SRPK2: variants seen among roughly 807,000 people sequenced by gnomAD.
SRPK2 encodes SFRS protein kinase 2.
A neutral mutation model predicts 90.8 loss-of-function variants in SRPK2; 21 were observed. The observed-to-expected ratio is 0.23, with a 90% CI of 0.16 to 0.33. The LOEUF (loss-of-function observed/expected upper bound fraction) is 0.33, where lower values mean the gene tolerates loss of function less well. Ranked by LOEUF, SRPK2 falls within the 10% of genes least tolerant of loss-of-function variation. The pLI is 1.00. For missense variants in SRPK2, 620 were observed against 869.0 expected, an observed-to-expected ratio of 0.71 and a Z score of 3.60; for synonymous variants, 288 against 311.1, an observed-to-expected ratio of 0.93 and a Z score of 0.78.
chr7:105,192,925 GT>G (rs1794483756), intron 3 of SRPK2, among the ~76,000 whole-genome samples: 1 of 151,944 alleles, frequency 6.6e-6, no homozygotes, highest in African/African-American at 2.4e-5. Context: ...GTTCATTGTA[GT>G]TTCTGGATAT....
chr7:105,128,044 C>G (rs1165329715), intron 13 of SRPK2, among the ~76,000 whole-genome samples: 4 of 152,142 alleles, frequency 2.6e-5, no homozygotes, highest in Non-Finnish European at 4.4e-5. Context: ...AATGACCACA[C>G]AGTGCTGGAA....
upstream of SRPK2, among the ~76,000 whole-genome samples, chr7:105,392,605 C>T (rs1176668336): frequency 6.6e-6 from 1 of 151,982 alleles, no homozygotes; most frequent in Admixed American, 6.6e-5. Flanking sequence ...CCTCCACTTC[C>T]CAGGTTCAAG....
chr7:105,328,949 C>T (rs1039425968), intron 2 of SRPK2, among the ~76,000 whole-genome samples: 2 of 151,808 alleles, frequency 1.3e-5, no homozygotes, highest in African/African-American at 4.8e-5. Context: ...AGGAGGCTGA[C>T]GTGGGAGGAT....
intron 6 of SRPK2, among the ~76,000 whole-genome samples, chr7:105,162,388 T>G (rs1246694351): frequency 6.6e-6 from 1 of 152,158 alleles, no homozygotes; most frequent in African/African-American, 2.4e-5. Flanking sequence ...TTCACAACTA[T>G]GATACCTCCA....
chr7:105,133,205 T>C (rs750909731), intron 11 of SRPK2, 101 bp from the exon 12 acceptor site: 23 of 1,053,028 alleles, frequency 2.2e-5, no homozygotes, highest in Admixed American at 5.6e-5. Flanking sequence ...TCAAGAGTAG[T>C]GGAATGATCA....
At position 105,280,972 on chromosome 7, in the gene SRPK2, A is replaced by C. The variant is rs1251636467; in HGVS notation, c.72-77187T>G. On this transcript the variant is annotated intron_variant, in intron 2 of 15. Transcript: ENST00000393651. ...CAAAAAAAAAAAAAAAAAAAAAAAA[A>C]AAAAAAAAAAAAACCTTGTTTATAA... 2.3e-3 allele frequency among the ~76,000 whole-genome samples: 325 copies of C among 140,456 alleles called. 16 individuals are homozygous for C. The East Asian group carries it at 0.049, about 21-fold the overall frequency. The allele number at this position is 140,456 out of a possible 152,430, so 92.1% of individuals were successfully genotyped here. A position where few individuals can be genotyped will look rare whatever the true frequency, so the allele number is the denominator to read the frequency against.
intron 3 of SRPK2, among the ~76,000 whole-genome samples, chr7:105,172,106 C>T (rs975405470): frequency 1.3e-5 from 2 of 152,106 alleles, no homozygotes; most frequent in African/African-American, 2.4e-5. Context: ...GTTGGTCAGG[C>T]TGGTCTCTAA....
intron 2 of SRPK2, among the ~76,000 whole-genome samples, chr7:105,338,644 G>C (rs1386930733): frequency 6.6e-6 from 1 of 152,034 alleles, no homozygotes; most frequent in Non-Finnish European, 1.5e-5. Context: ...GTAATTAAGT[G>C]GCCTGTTCAA....
chr7:105,319,370 A>G (rs1812649244), intron 2 of SRPK2, among the ~76,000 whole-genome samples: 1 of 152,040 alleles, frequency 6.6e-6, no homozygotes, highest in South Asian at 2.1e-4. Context: ...TTTTTTTAAC[A>G]TTATCAAGGC....
chr7:105,229,080 C>A (rs1453228893), intron 2 of SRPK2, among the ~76,000 whole-genome samples: 1 of 152,114 alleles, frequency 6.6e-6, no homozygotes, highest in East Asian at 1.9e-4. Context: ...AGAGCCAGCA[C>A]CGAGTTCAGG....
chr7:105,264,815 G>C (rs1397944101), intron 2 of SRPK2, among the ~76,000 whole-genome samples: 2 of 152,106 alleles, frequency 1.3e-5, no homozygotes, highest in Admixed American at 6.6e-5. Context: ...CAGCAGATGT[G>C]GGCAATGCTA....
At chr7:105,229,372 A>G (rs909369510) in intron 2 of SRPK2, among the ~76,000 whole-genome samples, 1 of 152,010 alleles carries the variant, frequency 6.6e-6, no homozygotes, top group African/African-American at 2.4e-5. Flanking sequence ...GCTGAGGCAG[A>G]AGAATGGCGT....
chr7:105,181,027 CA>C (rs1224702545), intron 3 of SRPK2, among the ~76,000 whole-genome samples: 3 of 151,988 alleles, frequency 2.0e-5, no homozygotes, highest in Admixed American at 1.3e-4. Context: ...CATATACAAG[CA>C]AAAAACCACC....
intron 2 of SRPK2, among the ~76,000 whole-genome samples, chr7:105,349,117 C>T (rs953962942): frequency 1.5e-5 from 2 of 135,726 alleles, no homozygotes; most frequent in African/African-American, 5.6e-5. Context: ...TGCACTCCAG[C>T]CTGGGCAACA....
chr7:105,170,977 GAGAAAGAA>G (rs750707874), intron 3 of SRPK2, among the ~76,000 whole-genome samples: 4 of 42,196 alleles, frequency 9.5e-5, no homozygotes, highest in Admixed American at 4.8e-4. Context: ...GAGAAAGAAA[GAGAAAGAA>G]AGAAAGAAAG....
chr7:105,291,064 A>AAAG (rs1808946599), intron 2 of SRPK2, among the ~76,000 whole-genome samples: 1 of 151,034 alleles, frequency 6.6e-6, no homozygotes, highest in South Asian at 2.1e-4. Flanking sequence ...AAAAAAAAAA[A>AAAG]AGAAATGAAG....
At chr7:105,388,291 G>T (rs1301980308) in intron 2 of SRPK2, among the ~76,000 whole-genome samples, 1 of 151,500 alleles carries the variant, frequency 6.6e-6, no homozygotes, top group Admixed American at 6.6e-5. Flanking sequence ...AGACGCCGGG[G>T]CCCCTTCCGG....
chr7:105,379,779 C>A (rs574705737), intron 2 of SRPK2, among the ~76,000 whole-genome samples: 1 of 152,098 alleles, frequency 6.6e-6, no homozygotes, highest in Non-Finnish European at 1.5e-5. Context: ...GAGATCGAGA[C>A]CAGCCCGGCC....
At chr7:105,370,646 C>T (rs1819593821) in intron 2 of SRPK2, among the ~76,000 whole-genome samples, 1 of 131,974 alleles carries the variant, frequency 7.6e-6, no homozygotes, top group Non-Finnish European at 1.6e-5. Context: ...GACAGACTCT[C>T]GCTCTGCACC....
Sources: allele counts gnomAD v4.1 joint callset (sites outside exome capture counted in the v4.1 genomes callset), GRCh38; gene constraint gnomAD v4.1.1; transcripts MANE v1.5; gene names NCBI Gene and HGNC (gene_info 2026-07-23, HGNC 2026-07-21).